The following DMXL1 variants were observed in gnomAD, a reference collection of about 807,000 sequenced individuals.
DMXL1 encodes the protein Dmx like 1.
A neutral mutation model predicts 319.2 loss-of-function variants in DMXL1; 99 were observed. The ratio of observed to expected loss-of-function variants is 0.31; its 90% confidence interval spans 0.26 to 0.37. The LOEUF (loss-of-function observed/expected upper bound fraction) is 0.37, where lower values mean the gene tolerates loss of function less well. DMXL1 is among the 10% of genes least tolerant of loss of function. DMXL1 has a pLI of 1.00. For synonymous variants in DMXL1, 1,385 were observed against 1,235.2 expected (o/e 1.12, Z -2.54); for missense variants, 3,745 against 3,595.6 (o/e 1.04, Z -1.06).
rs959520607 is a variant in DMXL1, at chr5:119,071,446, G to A, written c.-124G>A. On this transcript the variant is annotated 5_prime_UTR_variant, in exon 1 of 44. Coordinates refer to ENST00000539542, the MANE Select transcript of DMXL1 (RefSeq NM_001290321.3). ...TGAGCGGCTCCGGCTCCAGGCGCCT[G>A]TCGCTGCTTCTGCCGTCGCCACCGA... 3.7e-5 allele frequency: 36 copies of A among 970,800 alleles called. No homozygotes were observed. In the African/African-American group the frequency reaches 4.8e-4, roughly 13 times the overall value. The allele number at this position is 970,800 out of a possible 1,614,324, so 60.1% of individuals were successfully genotyped here. A position where few individuals can be genotyped will look rare whatever the true frequency, so the allele number is the denominator to read the frequency against.
chr5:119,142,002 C>A (rs1293163508), intron 13 of DMXL1, among the ~76,000 whole-genome samples: 1 of 152,126 alleles, frequency 6.6e-6, no homozygotes, highest in African/African-American at 2.4e-5. Context: ...CTGACAAAAA[C>A]AAGCAATGGG....
chr5:119,242,734 G>A (rs2150750483), intron 42 of DMXL1, among the ~76,000 whole-genome samples: 1 of 152,258 alleles, frequency 6.6e-6, no homozygotes, highest in Non-Finnish European at 1.5e-5. Flanking sequence ...TCAAGACATT[G>A]TGGTATTAGC....
chr5:119,201,100 C>T (rs1780624770), intron 32 of DMXL1, among the ~76,000 whole-genome samples: 2 of 152,096 alleles, frequency 1.3e-5, no homozygotes, highest in South Asian at 4.1e-4. Context: ...ACTTTCAATA[C>T]TAGGTTGAAT....
chr5:119,121,828 G>T (rs1486700470), intron 9 of DMXL1, among the ~76,000 whole-genome samples: 1 of 152,096 alleles, frequency 6.6e-6, no homozygotes, highest in Non-Finnish European at 1.5e-5. Flanking sequence ...TGGCCGGGCA[G>T]AGGGGCTCCT....
At position 119,149,006 on chromosome 5, in the gene DMXL1, C is replaced by T. The variant is rs770652357; in HGVS notation, c.3179C>T (p.Ala1060Val). 5 of 1,613,794 alleles carry T rather than the reference C, an allele frequency of 3.1e-6. No homozygotes were observed. In the African/African-American group the frequency reaches 5.3e-5, roughly 17 times the overall value. The change falls in exon 18 of 44, where the codon GCT (alanine) becomes GTT (valine). Residue 1060 changes from alanine to valine, a missense_variant. Physicochemically the swap from Ala to Val is moderately conservative, Grantham distance 64 (BLOSUM62 0). Coordinates refer to ENST00000539542, the MANE Select transcript of DMXL1 (RefSeq NM_001290321.3). ...SCAHTNRLAV[A>V]YKQPASNSRS... is the part of the protein sequence containing the mutation. ...GCACATACAAATCGTTTAGCAGTAG[C>T]TTATAAGCAGCCTGCATCTAATAGT...
chr5:119,090,742 T>C (rs1184646021), intron 1 of DMXL1, among the ~76,000 whole-genome samples: 2 of 152,010 alleles, frequency 1.3e-5, no homozygotes, highest in African/African-American at 4.8e-5. Context: ...TTTTTTTGTA[T>C]TTTTAGTAGA....
chr5:119,199,728 G>A (rs899102962), intron 32 of DMXL1, among the ~76,000 whole-genome samples: 3 of 152,146 alleles, frequency 2.0e-5, no homozygotes, highest in African/African-American at 4.8e-5. Context: ...CCCAGCATCT[G>A]TTATTTTTTA....
rs576374134 is a variant in DMXL1 at position 119,234,703 on chromosome 5, A to G, written c.8466+1236A>G. Among the ~76,000 whole-genome samples the G allele has an allele frequency of 3.7e-4, 57 of 152,224 alleles. No individual in the cohort carries two copies. In the South Asian group the frequency reaches 5.2e-3, roughly 14 times the overall value. On this transcript the variant is annotated intron_variant, in intron 39 of 43. Transcript: ENST00000539542. ...ATCAATGTGCTTTTTGTGCATTTCA[A>G]CTTGGGTTGTCAGTTTTATATTGCT...
chr5:119,103,098 A>T (rs1448330311), intron 3 of DMXL1, among the ~76,000 whole-genome samples: 100 of 149,724 alleles, frequency 6.7e-4, no homozygotes, highest in East Asian at 1.8e-3. Flanking sequence ...TTTTTTTTTA[A>T]AAAAAAAGAA....
intron 30 of DMXL1, among the ~76,000 whole-genome samples, chr5:119,194,722 A>C (rs1016357744): frequency 6.6e-6 from 1 of 152,276 alleles, no homozygotes; most frequent in East Asian, 1.9e-4. Context: ...TTAAAAGTCA[A>C]ACTGCACAAC....
chr5:119,218,770 T>C (rs1013345476), intron 35 of DMXL1, among the ~76,000 whole-genome samples: 1 of 152,236 alleles, frequency 6.6e-6, no homozygotes, highest in African/African-American at 2.4e-5. Context: ...ATATGCTATT[T>C]TTAATATCCT....
At chr5:119,240,351 T>G in intron 41 of DMXL1, 68 bp from the exon 42 acceptor site, 1 of 1,136,580 alleles carries the variant, frequency 8.8e-7, no homozygotes, top group Non-Finnish European at 1.3e-6. Flanking sequence ...GTCACACAGT[T>G]ATATATGACA....
In DMXL1 at chr5:119,248,866, CA is replaced by C. The variant is rs1790146175; in HGVS notation, c.*1648del. The C allele has an allele frequency of 6.6e-6, 1 of 152,402 alleles. No individual in the cohort carries two copies. The highest frequency in any genetic ancestry group is 1.5e-5 in the Non-Finnish European group (1 of 67,922). 9.4% of individuals were successfully genotyped at this position (152,402 alleles called of 1,614,324 possible). ...ATTTTGCCATGGAGAAATCTGACAG[CA>C]TTGCAAACAATAGTATTGTTTGATG... On this transcript the variant is annotated 3_prime_UTR_variant, in exon 44 of 44. Coordinates refer to ENST00000539542, the MANE Select transcript of DMXL1 (RefSeq NM_001290321.3).
chr5:119,071,485 C>A lies in DMXL1; in HGVS notation c.-85C>A. Reference sequence around the variant, plus strand: ...CGTCGCCACCGAAGAGCGGCCGCCGCCCCTGAGGGAAGGAGGGAGGGAAGC... The same window carrying A: ...CGTCGCCACCGAAGAGCGGCCGCCGACCCTGAGGGAAGGAGGGAGGGAAGC... On this transcript the variant is annotated 5_prime_UTR_variant, in exon 1 of 44. Coordinates refer to ENST00000539542, the MANE Select transcript of DMXL1 (RefSeq NM_001290321.3). 1.5e-6 allele frequency: 2 copies of A among 1,362,710 alleles called. No individual in the cohort carries two copies. Among genetic ancestry groups the A allele is most frequent in the Non-Finnish European group, 2.0e-6 (2 of 978,750 alleles). 84.4% of individuals were successfully genotyped at this position (1,362,710 alleles called of 1,614,324 possible). A position where few individuals can be genotyped will look rare whatever the true frequency, so the allele number is the denominator to read the frequency against.
intron 2 of DMXL1, among the ~76,000 whole-genome samples, chr5:119,098,482 T>C (rs1420236210): frequency 3.3e-5 from 5 of 151,872 alleles, no homozygotes; most frequent in Non-Finnish European, 7.4e-5. Context: ...CAGGTAGTTA[T>C]CTCCTTGTAA....
chr5:119,175,363 G>T, intron 26 of DMXL1, 26 bp downstream of exon 26: 2 of 1,530,256 alleles, frequency 1.3e-6, no homozygotes, highest in South Asian at 2.3e-5. Flanking sequence ...TGAAATTTAA[G>T]AATGCTTACA....
At chr5:119,201,801 G>A (rs998806192) in intron 32 of DMXL1, among the ~76,000 whole-genome samples, 12 of 152,204 alleles carry the variant, frequency 7.9e-5, no homozygotes, top group African/African-American at 2.9e-4. Flanking sequence ...TCTTGGGAGG[G>A]TGTATGTGTC....
intron 26 of DMXL1, 109 bp from the exon 27 acceptor site, chr5:119,177,248 C>T (rs536522716): frequency 2.8e-4 from 178 of 635,568 alleles, no homozygotes; most frequent in Non-Finnish European, 4.2e-4. Context: ...CTTAGATGTA[C>T]TAGCAGTATA....
intron 13 of DMXL1, among the ~76,000 whole-genome samples, chr5:119,139,437 C>G (rs1766780994): frequency 6.6e-6 from 1 of 152,044 alleles, no homozygotes; most frequent in African/African-American, 2.4e-5. Flanking sequence ...AAAAATCTAC[C>G]AAGTAAATGG....
Sources: allele counts gnomAD v4.1 joint callset (sites outside exome capture counted in the v4.1 genomes callset), GRCh38; gene constraint gnomAD v4.1.1; transcripts MANE v1.5; gene names NCBI Gene and HGNC (gene_info 2026-07-23, HGNC 2026-07-21).